DARS1: variants seen among roughly 807,000 people sequenced by gnomAD.
DARS1 encodes the protein aspartate--tRNA ligase, cytoplasmic.
DARS1 carries 51 observed loss-of-function variants against 68.8 expected under a neutral mutation model. The observed-to-expected ratio is 0.74, with a 90% CI of 0.59 to 0.94. The LOEUF (loss-of-function observed/expected upper bound fraction) is 0.94, where lower values mean the gene tolerates loss of function less well. DARS1 is among the 40% of genes least tolerant of loss of function. DARS1 has a pLI of 0.00. For synonymous variants in DARS1, 203 were observed against 190.4 expected (o/e 1.07, Z -0.55); for missense variants, 607 against 597.3 (o/e 1.02, Z -0.17).
intron 3 of DARS1, among the ~76,000 whole-genome samples, chr2:135,975,130 G>A (rs1575408041): frequency 6.6e-6 from 1 of 151,236 alleles, no homozygotes; most frequent in East Asian, 2.0e-4. Context: ...GGATCACAAG[G>A]TCAGGAGATC....
At chr2:135,918,616 GT>G (rs1372328369) in intron 10 of DARS1, among the ~76,000 whole-genome samples, 4 of 152,178 alleles carry the variant, frequency 2.6e-5, no homozygotes, top group African/African-American at 9.7e-5. Context: ...TAATTTGTAA[GT>G]AGAGATTTGA....
At chr2:135,928,618 G>C (rs1462279182) in intron 7 of DARS1, among the ~76,000 whole-genome samples, 1 of 147,994 alleles carries the variant, frequency 6.8e-6, no homozygotes, top group Non-Finnish European at 1.5e-5. Context: ...AAAGTGCTGG[G>C]ATTACAGGCA....
chr2:135,982,108 C>T (rs1253148761), intron 2 of DARS1, among the ~76,000 whole-genome samples: 10 of 152,268 alleles, frequency 6.6e-5, no homozygotes, highest in African/African-American at 2.2e-4. Context: ...AGAATGTAAA[C>T]GTCTACAATT....
intron 2 of DARS1, among the ~76,000 whole-genome samples, chr2:135,982,432 C>T (rs1451316871): frequency 1.3e-5 from 2 of 151,540 alleles, no homozygotes; most frequent in African/African-American, 4.9e-5. Flanking sequence ...CCCATCTCTA[C>T]TAAAATACAA....
intron 3 of DARS1, among the ~76,000 whole-genome samples, chr2:135,975,313 C>T (rs1177717371): frequency 6.6e-6 from 1 of 152,032 alleles, no homozygotes; most frequent in Non-Finnish European, 1.5e-5. Flanking sequence ...CCACTGCACT[C>T]CAGCCTGGGC....
intron 7 of DARS1, among the ~76,000 whole-genome samples, chr2:135,927,501 T>C (rs982640648): frequency 1.3e-5 from 2 of 152,152 alleles, no homozygotes; most frequent in Non-Finnish European, 2.9e-5. Flanking sequence ...CTAATAATAT[T>C]AGTTTCCTTA....
chr2:135,973,474 CAA>C (rs59584448), intron 3 of DARS1, among the ~76,000 whole-genome samples: 2 of 140,862 alleles, frequency 1.4e-5, no homozygotes, highest in African/African-American at 2.6e-5. Context: ...TAATGGGTAC[CAA>C]AAAAAAAAAG....
At chr2:135,946,833 G>A (rs1423128872) in intron 4 of DARS1, among the ~76,000 whole-genome samples, 2 of 152,110 alleles carry the variant, frequency 1.3e-5, no homozygotes, top group Non-Finnish European at 2.9e-5. Context: ...TGAGCATATA[G>A]AGAAGAATCA....
chr2:135,946,159 T>C (rs1489276834), intron 4 of DARS1, among the ~76,000 whole-genome samples: 1 of 152,202 alleles, frequency 6.6e-6, no homozygotes, highest in Non-Finnish European at 1.5e-5. Flanking sequence ...AATACTTGCG[T>C]ACATTACTGC....
chr2:135,943,077 A>G, intron 5 of DARS1: 1 of 238,108 alleles, frequency 4.2e-6, no homozygotes, highest in Non-Finnish European at 8.2e-6. Flanking sequence ...AGCCTGCTGG[A>G]TGAGAGGAAG....
chr2:135,910,396 T>C (rs1245359403), intron 15 of DARS1, among the ~76,000 whole-genome samples: 1 of 152,184 alleles, frequency 6.6e-6, no homozygotes, highest in Admixed American at 6.5e-5. Flanking sequence ...GGTTTTAATT[T>C]ATATTTCCCT....
intron 1 of DARS1, 140 bp from the exon 2 acceptor site, chr2:135,983,594 T>C: frequency 1.9e-6 from 1 of 538,688 alleles, no homozygotes; most frequent in South Asian, 2.7e-5. Flanking sequence ...AGTAGTTTCA[T>C]AATGTGGAAA....
chr2:135,924,357 A>T (rs1681168333), intron 8 of DARS1, 30 bp downstream of exon 8: 2 of 1,554,032 alleles, frequency 1.3e-6, no homozygotes, highest in African/African-American at 1.4e-5. Context: ...ATTTATTTTT[A>T]AAAATTAAGA....
At chr2:135,914,228 T>A (rs909311663) in intron 12 of DARS1, among the ~76,000 whole-genome samples, 2 of 152,198 alleles carry the variant, frequency 1.3e-5, no homozygotes, top group African/African-American at 4.8e-5. Context: ...TAGAGACACC[T>A]CAGAACAACT....
chr2:135,916,120 T>C (rs561282050), intron 11 of DARS1, 106 bp downstream of exon 11: 40 of 531,958 alleles, frequency 7.5e-5, no homozygotes, highest in African/African-American at 5.5e-4. Flanking sequence ...GACGGGTCAA[T>C]AGGTGCAGCA....
At chr2:135,969,510 T>C (rs569553585) in intron 3 of DARS1, among the ~76,000 whole-genome samples, 1 of 152,126 alleles carries the variant, frequency 6.6e-6, no homozygotes, top group African/African-American at 2.4e-5. Flanking sequence ...TTTGAGTAAC[T>C]TACATTAAGT....
At chr2:135,932,167 T>A (rs76672039) in intron 7 of DARS1, among the ~76,000 whole-genome samples, 1 of 152,132 alleles carries the variant, frequency 6.6e-6, no homozygotes, top group Non-Finnish European at 1.5e-5. Flanking sequence ...GACAAAAAAT[T>A]TGAGCTTGAG....
At chr2:135,930,139 C>T (rs1026333218) in intron 7 of DARS1, among the ~76,000 whole-genome samples, 2 of 152,194 alleles carry the variant, frequency 1.3e-5, no homozygotes, top group African/African-American at 4.8e-5. Flanking sequence ...AGATACTTTT[C>T]ATTCATTAAC....
chr2:135,927,021 T>A (rs774390428), intron 7 of DARS1, among the ~76,000 whole-genome samples: 1 of 152,222 alleles, frequency 6.6e-6, no homozygotes, highest in Admixed American at 6.5e-5. Flanking sequence ...GAAATGGTAA[T>A]GGTATTTTTT....
Sources: allele counts gnomAD v4.1 joint callset (sites outside exome capture counted in the v4.1 genomes callset), GRCh38; gene constraint gnomAD v4.1.1; transcripts MANE v1.5; gene names NCBI Gene and HGNC (gene_info 2026-07-23, HGNC 2026-07-21).